Variants in EPHB1 observed in about 807,000 individuals in gnomAD.
EPHB1 encodes EPH receptor B1, also known as ephrin type-B receptor 1.
In EPHB1, 30 loss-of-function variants were observed where a neutral mutation model predicts 94.4. The ratio of observed to expected loss-of-function variants is 0.32; its 90% CI spans 0.24 to 0.43. The LOEUF is 0.43. Ranked by LOEUF, EPHB1 falls within the 20% of genes least tolerant of loss-of-function variation. The pLI, the probability that EPHB1 is intolerant of heterozygous loss-of-function variation, is 1.00. For synonymous variants in EPHB1, 522 were observed against 489.1 expected, an observed-to-expected ratio of 1.07 and a Z score of -0.89; for missense variants, 1,055 against 1,308.3, an observed-to-expected ratio of 0.81 and a Z score of 2.99.
intron 3 of EPHB1, among the ~76,000 whole-genome samples, chr3:135,096,414 T>C (rs1230727276): frequency 6.6e-6 from 1 of 152,244 alleles, no homozygotes; most frequent in African/African-American, 2.4e-5. Flanking sequence ...GTTGGCTTGA[T>C]AAAATTCAGA....
intron 12 of EPHB1, among the ~76,000 whole-genome samples, chr3:135,219,228 G>A (rs1943223496): frequency 6.6e-6 from 1 of 152,236 alleles, no homozygotes; most frequent in Admixed American, 6.5e-5. Context: ...AGCTCTGGAA[G>A]GGCCCTGGGA....
At position 134,836,052 on chromosome 3, in the gene EPHB1, C is replaced by T. The variant is rs116674224; in HGVS notation, c.58+40363C>T. ...TGCCTTCTGTGGACACTCCATTTGA[C>T]GGCAGAAGTGAAGGCAAAGGGTATC... On this transcript the variant is annotated intron_variant, in intron 1 of 15. Transcript: ENST00000398015. Among the ~76,000 whole-genome samples, 939 of 152,296 alleles carry T rather than the reference C, an allele frequency of 6.2e-3. 10 individuals are homozygous for T. The highest frequency in any genetic ancestry group is 0.033 in the South Asian group (158 of 4,820).
At chr3:134,907,793 C>T (rs1006033889) in intron 1 of EPHB1, among the ~76,000 whole-genome samples, 10 of 152,156 alleles carry the variant, frequency 6.6e-5, no homozygotes, top group African/African-American at 2.4e-4. Context: ...TTGGGCCATG[C>T]CCACAGTAGA....
intron 3 of EPHB1, among the ~76,000 whole-genome samples, chr3:134,955,000 G>C (rs898597496): frequency 6.7e-6 from 1 of 149,406 alleles, no homozygotes; most frequent in African/African-American, 2.4e-5. Context: ...TTGCGCATTA[G>C]GATGTGTGGC....
chr3:135,255,520 A>C (rs1305932687), intron 15 of EPHB1, among the ~76,000 whole-genome samples: 1 of 145,320 alleles, frequency 6.9e-6, no homozygotes, highest in Non-Finnish European at 1.5e-5. Context: ...CATGTAGTTG[A>C]GCGGTTTTGA....
intron 3 of EPHB1, among the ~76,000 whole-genome samples, chr3:135,091,850 C>T (rs1314680551): frequency 1.3e-5 from 2 of 152,108 alleles, no homozygotes; most frequent in Admixed American, 6.6e-5. Flanking sequence ...CTATGTGTGC[C>T]CTCGTAGCCA....
At chr3:134,923,077 A>C (rs1226531287) in intron 1 of EPHB1, among the ~76,000 whole-genome samples, 3 of 152,062 alleles carry the variant, frequency 2.0e-5, no homozygotes, top group Non-Finnish European at 4.4e-5. Flanking sequence ...GGAGGGAGGG[A>C]GAGCTGCTCT....
intron 11 of EPHB1, among the ~76,000 whole-genome samples, chr3:135,195,282 G>A (rs1054995827): frequency 3.3e-5 from 5 of 151,790 alleles, no homozygotes; most frequent in African/African-American, 4.8e-5. Context: ...ATGAGCCTGC[G>A]GAAAATCAAA....
intron 1 of EPHB1, among the ~76,000 whole-genome samples, chr3:134,924,814 T>C (rs1428046421): frequency 6.6e-6 from 1 of 152,238 alleles, no homozygotes; most frequent in African/African-American, 2.4e-5. Flanking sequence ...AAATGGCATA[T>C]ACTATATGGT....
At chr3:135,179,601 T>A (rs2107704699) in intron 9 of EPHB1, among the ~76,000 whole-genome samples, 1 of 152,304 alleles carries the variant, frequency 6.6e-6, no homozygotes. Context: ...TTATAAGTAA[T>A]CTGTTCCACA....
At chr3:134,798,990 T>C (rs2035885742) in intron 1 of EPHB1, among the ~76,000 whole-genome samples, 1 of 152,208 alleles carries the variant, frequency 6.6e-6, no homozygotes, top group Admixed American at 6.5e-5. Context: ...GTGTAGCCTA[T>C]AGTGAAGTCC....
intron 11 of EPHB1, among the ~76,000 whole-genome samples, chr3:135,197,625 C>T (rs757116806): frequency 2.6e-5 from 4 of 152,170 alleles, no homozygotes; most frequent in Non-Finnish European, 5.9e-5. Context: ...CTAAATCCTT[C>T]CTGTCTAATA....
At chr3:135,244,172 C>T (rs1411878309) in intron 13 of EPHB1, among the ~76,000 whole-genome samples, 1 of 152,192 alleles carries the variant, frequency 6.6e-6, no homozygotes, top group African/African-American at 2.4e-5. Flanking sequence ...CCCTACAGAA[C>T]CTGTGTACCT....
chr3:135,024,501 A>G (rs1936080692), intron 3 of EPHB1, among the ~76,000 whole-genome samples: 1 of 152,196 alleles, frequency 6.6e-6, no homozygotes, highest in Non-Finnish European at 1.5e-5. Flanking sequence ...CATCGCCAGA[A>G]TTTAAAAGTG....
intron 5 of EPHB1, among the ~76,000 whole-genome samples, chr3:135,150,713 A>AT (rs1941166242): frequency 6.6e-6 from 1 of 151,146 alleles, no homozygotes; most frequent in African/African-American, 2.4e-5. Context: ...TGAATCTTGA[A>AT]TTTTTTCTAT....
intron 2 of EPHB1, among the ~76,000 whole-genome samples, chr3:134,940,166 A>G (rs2039084620): frequency 6.6e-6 from 1 of 152,152 alleles, no homozygotes; most frequent in Non-Finnish European, 1.5e-5. Flanking sequence ...AAAGGGTAGG[A>G]TTATTTATAT....
chr3:135,054,040 TACAC>T (rs1553727022), intron 3 of EPHB1, among the ~76,000 whole-genome samples: 62 of 139,866 alleles, frequency 4.4e-4, no homozygotes, highest in Non-Finnish European at 7.3e-4. Context: ...TATATATATA[TACAC>T]ACACACACAC....
intron 7 of EPHB1, among the ~76,000 whole-genome samples, chr3:135,162,525 C>A (rs572382843): frequency 2.6e-5 from 4 of 152,296 alleles, no homozygotes; most frequent in Admixed American, 2.6e-4. Flanking sequence ...CTTCACTCCT[C>A]TGTGCTTATG....
chr3:134,878,795 T>A (rs928776337), intron 1 of EPHB1, among the ~76,000 whole-genome samples: 21 of 152,230 alleles, frequency 1.4e-4, no homozygotes, highest in African/African-American at 4.3e-4. Flanking sequence ...TTCACTTTTT[T>A]AAAACTTCAG....
Sources: allele counts gnomAD v4.1 joint callset (sites outside exome capture counted in the v4.1 genomes callset), GRCh38; gene constraint gnomAD v4.1.1; transcripts MANE v1.5; gene names NCBI Gene and HGNC (gene_info 2026-07-23, HGNC 2026-07-21).